Variants in CSMD1 observed in about 807,000 individuals in gnomAD.
The protein encoded by CSMD1 is CUB and Sushi multiple domains 1, also known as CUB and sushi domain-containing protein 1.
A neutral mutation model predicts 417.5 loss-of-function variants in CSMD1; 213 were observed. The ratio of observed to expected loss-of-function variants is 0.51; its 90% CI spans 0.46 to 0.57. The LOEUF (loss-of-function observed/expected upper bound fraction) is 0.57, where lower values mean the gene tolerates loss of function less well. Among genes scored for constraint, CSMD1 ranks in the 20% least tolerant of loss-of-function variants. CSMD1 has a pLI of 0.00. For synonymous variants in CSMD1, 2,862 were observed against 1,736.8 expected, an observed-to-expected ratio of 1.65 and a Z score of -16.11; for missense variants, 6,923 against 4,529.7, an observed-to-expected ratio of 1.53 and a Z score of -15.17.
intron 1 of CSMD1, among the ~76,000 whole-genome samples, chr8:4,802,484 A>G (rs991076570): frequency 6.6e-6 from 1 of 151,342 alleles, no homozygotes; most frequent in African/African-American, 2.4e-5. Context: ...AAATCAAACA[A>G]TAAAAACAAG....
intron 1 of CSMD1, among the ~76,000 whole-genome samples, chr8:4,939,326 G>A (rs36029633): frequency 0.19 from 28,727 of 152,168 alleles, 3,488 homozygotes; most frequent in Non-Finnish European, 0.27. Context: ...AAGTCCATAT[G>A]TCGAGGCGGT....
At chr8:3,589,107 G>C (rs942065742) in intron 8 of CSMD1, among the ~76,000 whole-genome samples, 2 of 152,064 alleles carry the variant, frequency 1.3e-5, no homozygotes, top group African/African-American at 2.4e-5. Context: ...GTGGAGAAAA[G>C]GGAACCCTTG....
intron 7 of CSMD1, among the ~76,000 whole-genome samples, chr8:3,682,994 A>G (rs1799746213): frequency 6.6e-6 from 1 of 152,120 alleles, no homozygotes; most frequent in South Asian, 2.1e-4. Flanking sequence ...GGAACTGAAC[A>G]ATGAGAACAC....
At chr8:4,947,037 C>G (rs1179620339) in intron 1 of CSMD1, among the ~76,000 whole-genome samples, 2 of 152,060 alleles carry the variant, frequency 1.3e-5, no homozygotes, top group Non-Finnish European at 2.9e-5. Flanking sequence ...CTTTCTTTTA[C>G]CAGTAGTATT....
intron 4 of CSMD1, among the ~76,000 whole-genome samples, chr8:4,030,914 G>C (rs1025542680): frequency 1.3e-5 from 2 of 152,044 alleles, no homozygotes; most frequent in African/African-American, 2.4e-5. Context: ...AACTCTCTAG[G>C]GCAGGGGCAA....
In CSMD1 at chr8:3,872,832, A is replaced by G. The variant is rs1805566482; in HGVS notation, c.819-118790T>C. 2.1e-5 allele frequency among the ~76,000 whole-genome samples: 3 copies of G among 142,942 alleles called. No homozygotes were observed. In the South Asian group the frequency reaches 6.9e-4, roughly 33 times the overall value. The allele number at this position is 142,942 out of a possible 152,430, so 93.8% of individuals were successfully genotyped here. ...GCAACTTAAACAAATTTACAATAAG[A>G]CAGCTCCAAAAAAAAAAAAGAAAGA... On this transcript the variant is annotated intron_variant, in intron 5 of 69. Transcript: ENST00000635120.
chr8:4,036,193 G>C (rs1797608153), intron 3 of CSMD1, among the ~76,000 whole-genome samples: 1 of 152,158 alleles, frequency 6.6e-6, no homozygotes, highest in African/African-American at 2.4e-5. Context: ...TGTTTGCACA[G>C]GGACAAAATC....
intron 2 of CSMD1, among the ~76,000 whole-genome samples, chr8:4,428,440 G>A (rs755263891): frequency 1.3e-5 from 2 of 152,158 alleles, no homozygotes; most frequent in East Asian, 3.9e-4. Context: ...ATGCAATATG[G>A]AAATGGTTTT....
intron 54 of CSMD1, among the ~76,000 whole-genome samples, chr8:2,996,244 A>G (rs146403064): frequency 2.0e-3 from 303 of 152,328 alleles, no homozygotes; most frequent in African/African-American, 7.0e-3. Flanking sequence ...CATATGACAT[A>G]TTTTACATAT....
chr8:4,760,863 A>G (rs967485163), intron 1 of CSMD1, among the ~76,000 whole-genome samples: 1 of 152,212 alleles, frequency 6.6e-6, no homozygotes, highest in African/African-American at 2.4e-5. Context: ...CCTGTAATAT[A>G]CAACTCATGT....
At chr8:4,954,762 C>G (rs947276460) in intron 1 of CSMD1, among the ~76,000 whole-genome samples, 1 of 152,098 alleles carries the variant, frequency 6.6e-6, no homozygotes, top group African/African-American at 2.4e-5. Flanking sequence ...TTAATAATAA[C>G]TGCTATTACA....
chr8:4,849,136 G>A (rs188176196), intron 1 of CSMD1, among the ~76,000 whole-genome samples: 10 of 152,076 alleles, frequency 6.6e-5, no homozygotes, highest in Non-Finnish European at 1.2e-4. Flanking sequence ...AGGCTAATGT[G>A]CGTTTGTGTC....
chr8:3,064,467 T>C (rs10100516), intron 49 of CSMD1, among the ~76,000 whole-genome samples: 54,818 of 152,140 alleles, frequency 0.36, 10,216 homozygotes, highest in Middle Eastern at 0.4. Context: ...CCCAGCCACG[T>C]TTCCTGTACA....
chr8:4,046,176 A>G (rs1232569801), intron 3 of CSMD1, among the ~76,000 whole-genome samples: 2 of 152,108 alleles, frequency 1.3e-5, no homozygotes, highest in African/African-American at 2.4e-5. Context: ...CACAATTTAT[A>G]TGTGTATGTG....
At chr8:4,679,192 G>C (rs1236667939) in intron 1 of CSMD1, among the ~76,000 whole-genome samples, 1 of 152,094 alleles carries the variant, frequency 6.6e-6, no homozygotes, top group East Asian at 1.9e-4. Flanking sequence ...CTGGCTCTGG[G>C]AGCTGTCTTT....
In CSMD1 at chr8:3,997,757, T is replaced by C. The variant is rs1485445819; in HGVS notation, c.818+146A>G. On this transcript the variant is annotated intron_variant, in intron 5 of 69. Coordinates refer to ENST00000635120, the MANE Select transcript of CSMD1 (RefSeq NM_033225.6). ...AAATTACTCACAGTAAAGGTAACTT[T>C]TCCAGAGCCAAAAGAGCAAGGCGAA... The C allele has an allele frequency of 7.2e-6, 5 of 694,584 alleles. No individual in the cohort carries two copies. The Admixed American group carries it at 1.4e-4, about 20-fold the overall frequency. 43.0% of individuals were successfully genotyped at this position (694,584 alleles called of 1,614,324 possible). A position where few individuals can be genotyped will look rare whatever the true frequency, so the allele number is the denominator to read the frequency against.
intron 3 of CSMD1, among the ~76,000 whole-genome samples, chr8:4,040,868 A>G (rs1797850648): frequency 6.6e-6 from 1 of 152,174 alleles, no homozygotes. Context: ...TGCTGTTGCA[A>G]GATAATGTTC....
intron 25 of CSMD1, among the ~76,000 whole-genome samples, chr8:3,298,148 G>A (rs1442871148): frequency 6.6e-6 from 1 of 152,124 alleles, no homozygotes; most frequent in East Asian, 1.9e-4. Context: ...GGGAGTGAGG[G>A]TAAGAATAAC....
Position 3,545,918 on chromosome 8 carries a change from G to C in CSMD1, c.1344+29027C>G, listed in dbSNP as rs536119082. Among the ~76,000 whole-genome samples the C allele has an allele frequency of 3.9e-5, 6 of 152,284 alleles. No individual in the cohort carries two copies. In the South Asian group the frequency reaches 8.3e-4, roughly 21 times the overall value. ...ATAAAATTATAGTGAATGCATAGTG[G>C]GGAATGCTAGGACAGGGTGCAGTGG... On this transcript the variant is annotated intron_variant, in intron 10 of 69. Coordinates refer to ENST00000635120, the MANE Select transcript of CSMD1 (RefSeq NM_033225.6).
Sources: allele counts gnomAD v4.1 joint callset (sites outside exome capture counted in the v4.1 genomes callset), GRCh38; gene constraint gnomAD v4.1.1; transcripts MANE v1.5; gene names NCBI Gene and HGNC (gene_info 2026-07-23, HGNC 2026-07-21).